Variants in STRA8 observed in about 807,000 individuals in gnomAD.
STRA8 encodes stimulated by retinoic acid 8.
Under a neutral mutation model 37.1 loss-of-function variants are expected in STRA8, and 18 were observed. The ratio of observed to expected loss-of-function variants is 0.48; its 90% CI spans 0.34 to 0.72. The LOEUF is 0.72. Among genes scored for constraint, STRA8 ranks in the 30% least tolerant of loss-of-function variants. The probability of loss-of-function intolerance (pLI) is 0.01; values close to 1 mark genes in which losing one functional copy is unlikely to be tolerated. For synonymous variants in STRA8, 168 were observed against 162.9 expected, an observed-to-expected ratio of 1.03 and a Z score of -0.24; for missense variants, 357 against 410.4, an observed-to-expected ratio of 0.87 and a Z score of 1.13.
intron 7 of STRA8, among the ~76,000 whole-genome samples, chr7:135,252,931 TA>T (rs113301624): frequency 1.1e-3 from 164 of 151,916 alleles, no homozygotes; most frequent in African/African-American, 3.9e-3. Context: ...CCTCTTTCTT[TA>T]AAAAAATTTT....
At position 135,245,350 on chromosome 7, in the gene STRA8, G is replaced by C; in HGVS notation, c.416G>C (p.Arg139Thr). The change falls in exon 5 of 9, where the codon AGG becomes ACG. Residue 139 changes from arginine (R) to threonine (T), a missense_variant. Arg to Thr is a moderately conservative substitution (Grantham distance 71). Transcript: ENST00000662584. ...SSPWCPTEAV[R>T]KDAEEEEDEE... ...CCTTGGTGCCCAACTGAGGCAGTCA[G>C]GAAGGATGCTGAGGAGGAGGAAGAT... The C allele has an allele frequency of 1.3e-6, 1 of 780,712 alleles. No individual in the cohort carries two copies. Among genetic ancestry groups the C allele is most frequent in the South Asian group, 1.3e-5 (1 of 74,592 alleles). 48.4% of individuals were successfully genotyped at this position (780,712 alleles called of 1,614,324 possible). A position where few individuals can be genotyped will look rare whatever the true frequency, so the allele number is the denominator to read the frequency against.
intron 1 of STRA8, among the ~76,000 whole-genome samples, chr7:135,234,385 G>A (rs574990375): frequency 2.0e-5 from 3 of 152,318 alleles, no homozygotes; most frequent in Non-Finnish European, 4.4e-5. Flanking sequence ...TGGGATTACA[G>A]GCAGGAGCCA....
chr7:135,253,912 G>T (rs1283014071), intron 7 of STRA8, among the ~76,000 whole-genome samples: 1 of 152,240 alleles, frequency 6.6e-6, no homozygotes, highest in Non-Finnish European at 1.5e-5. Flanking sequence ...GCCTATGGGT[G>T]CCTGTGAGGC....
intron 8 of STRA8, among the ~76,000 whole-genome samples, chr7:135,256,543 A>G (rs7787925): frequency 0.38 from 57,202 of 152,104 alleles, 11,509 homozygotes; most frequent in African/African-American, 0.53. Context: ...AGTGGCTCAC[A>G]CCTGGAATCC....
chr7:135,234,981 A>T (rs1308186946), intron 1 of STRA8, among the ~76,000 whole-genome samples: 1 of 152,120 alleles, frequency 6.6e-6, no homozygotes, highest in Non-Finnish European at 1.5e-5. Flanking sequence ...GGCTCAAGTG[A>T]TCCTCCCAAC....
In STRA8 at chr7:135,246,602, C is replaced by T. The variant is rs769945560; in HGVS notation, c.779C>T (p.Ala260Val). ...AQKHRGPATL[A>V]EACREPACAE... is the part of the protein sequence containing the mutation. ...AAGCACCGCGGCCCTGCGACCCTGG[C>T]GGAGGCCTGCCGAGAGCCGGCCTGT... is the stretch of plus-strand genomic sequence containing the variant. The change falls in exon 6 of 9, where the codon GCG becomes GTG. Residue 260 changes from alanine to valine, a missense_variant. Transcript: ENST00000662584. This position sits in a 1 kb window ranked among gnomAD's most constrained non-coding sequence, Gnocchi z 5.4. 10 of 1,537,198 alleles carry T rather than the reference C, an allele frequency of 6.5e-6. No individual in the cohort carries two copies. Among genetic ancestry groups the T allele is most frequent in the Non-Finnish European group, 4.4e-6 (5 of 1,145,318 alleles).
At chr7:135,257,940 A>G (rs1219017774) in intron 8 of STRA8, among the ~76,000 whole-genome samples, 1 of 152,246 alleles carries the variant, frequency 6.6e-6, no homozygotes. Flanking sequence ...ATTCTTTCAA[A>G]CACAAATAGT....
At chr7:135,235,767 C>T (rs184594320) in intron 1 of STRA8, among the ~76,000 whole-genome samples, 171 of 152,216 alleles carry the variant, frequency 1.1e-3, no homozygotes, top group African/African-American at 3.9e-3. Flanking sequence ...AAAATAAAAA[C>T]GTTCAGACTA....
intron 1 of STRA8, among the ~76,000 whole-genome samples, chr7:135,235,885 G>A (rs1212466363): frequency 6.6e-6 from 1 of 152,160 alleles, no homozygotes; most frequent in African/African-American, 2.4e-5. Flanking sequence ...AAGATAGGAG[G>A]ATCATTTGAG....
At chr7:135,236,393 T>G (rs1329576041) in intron 1 of STRA8, among the ~76,000 whole-genome samples, 1 of 152,106 alleles carries the variant, frequency 6.6e-6, no homozygotes, top group Non-Finnish European at 1.5e-5. Context: ...ATCAAGCCAA[T>G]CCATAACCCA....
rs1193394778 is a variant in STRA8, at chr7:135,246,725, C to T, written c.879+23C>T. On this transcript the variant is annotated intron_variant, in intron 6 of 8. Transcript: ENST00000662584. This position sits in a 1 kb window ranked among gnomAD's most constrained non-coding sequence, Gnocchi z 5.4. ...GAGGTGAGCAGGCCCACCGGGGTGGCGTGGATGGGGCACGGGAACCACCCT... is the reference window on the plus strand; with the variant it reads ...GAGGTGAGCAGGCCCACCGGGGTGGTGTGGATGGGGCACGGGAACCACCCT... The T allele has an allele frequency of 2.7e-6, 4 of 1,499,204 alleles. No individual in the cohort carries two copies. The highest frequency in any genetic ancestry group is 2.6e-6 in the Non-Finnish European group (3 of 1,133,028). The allele number at this position is 1,499,204 out of a possible 1,614,324, so 92.9% of individuals were successfully genotyped here.
chr7:135,249,411 C>T (rs911828771), intron 6 of STRA8, among the ~76,000 whole-genome samples: 1 of 152,062 alleles, frequency 6.6e-6, no homozygotes, highest in African/African-American at 2.4e-5. Flanking sequence ...TGGTGAAACA[C>T]CATCTTTACT....
chr7:135,244,112 G>A (rs1832510320), intron 4 of STRA8, among the ~76,000 whole-genome samples: 1 of 152,240 alleles, frequency 6.6e-6, no homozygotes, highest in African/African-American at 2.4e-5. Flanking sequence ...AGGCTGGAGT[G>A]CAGTGGCATG....
upstream of STRA8, among the ~76,000 whole-genome samples, chr7:135,232,962 T>C (rs292628): frequency 0.95 from 145,416 of 152,294 alleles, 69,755 homozygotes; most frequent in East Asian, 1. Flanking sequence ...CACCGTGCAC[T>C]GGCCCTGAGC....
upstream of STRA8, among the ~76,000 whole-genome samples, chr7:135,233,384 C>T (rs557122253): frequency 6.6e-6 from 1 of 152,114 alleles, no homozygotes; most frequent in Non-Finnish European, 1.5e-5. Flanking sequence ...CTTGAGGCAG[C>T]GAGCCTGGTA....
At chr7:135,258,144 G>C (rs1832727440) in intron 8 of STRA8, among the ~76,000 whole-genome samples, 1 of 152,192 alleles carries the variant, frequency 6.6e-6, no homozygotes, top group Non-Finnish European at 1.5e-5. Context: ...TGTCTCTCTT[G>C]TGGGAACCTG....
upstream of STRA8, among the ~76,000 whole-genome samples, chr7:135,232,632 A>C (rs1317948531): frequency 3.3e-5 from 5 of 152,054 alleles, no homozygotes; most frequent in Non-Finnish European, 7.4e-5. Flanking sequence ...TCAGGAAAAA[A>C]AAAATGCTAG....
At position 135,243,437 on chromosome 7, in the gene STRA8, TG is replaced by T. The variant is rs746372259; in HGVS notation, c.353+31del. 8.1e-5 allele frequency: 131 copies of T among 1,610,102 alleles called. 1 individual carries two copies. The highest frequency in any genetic ancestry group is 4.9e-4 in the Middle Eastern group (3 of 6,082). The stretch of plus-strand genomic sequence containing the variant: ...TAAGACACCACAAACCCCAGGAAGC[TG>T]GGGACCTGCTGTGTCCTCACAGCCA... On this transcript the variant is annotated intron_variant, in intron 4 of 8. Coordinates refer to ENST00000662584, the MANE Select transcript of STRA8 (RefSeq NM_001394401.1).
chr7:135,245,654 G>A (rs1281568631), intron 5 of STRA8, among the ~76,000 whole-genome samples, 127 bp downstream of exon 5: 1 of 152,166 alleles, frequency 6.6e-6, no homozygotes, highest in Non-Finnish European at 1.5e-5. Flanking sequence ...GTTCAGACTA[G>A]GCCCTGAATC....
Sources: allele counts gnomAD v4.1 joint callset (sites outside exome capture counted in the v4.1 genomes callset), GRCh38; gene constraint gnomAD v4.1.1; non-coding constraint Gnocchi (gnomAD v3.1); transcripts MANE v1.5; gene names NCBI Gene and HGNC (gene_info 2026-07-23, HGNC 2026-07-21).